TAB1: variants seen among roughly 807,000 people sequenced by gnomAD.
TAB1 encodes the protein TGF-beta-activated kinase 1 and MAP3K7-binding protein 1.
A neutral mutation model predicts 54.5 loss-of-function variants in TAB1; 30 were observed. That is an observed-to-expected ratio of 0.55 (90% CI 0.41 to 0.75). The LOEUF (loss-of-function observed/expected upper bound fraction) is 0.75, where lower values mean the gene tolerates loss of function less well. Among genes scored for constraint, TAB1 ranks in the 30% least tolerant of loss-of-function variants. The probability of loss-of-function intolerance (pLI) is 0.00; values close to 1 mark genes in which losing one functional copy is unlikely to be tolerated. For missense variants in TAB1, 609 were observed against 683.2 expected, an observed-to-expected ratio of 0.89 and a Z score of 1.21; for synonymous variants, 289 against 286.9, an observed-to-expected ratio of 1.01 and a Z score of -0.07.
At chr22:39,404,695 G>A (rs1048174193) in intron 1 of TAB1, among the ~76,000 whole-genome samples, 10 of 152,132 alleles carry the variant, frequency 6.6e-5, no homozygotes, top group Admixed American at 4.6e-4. Flanking sequence ...TAAATACATA[G>A]CCACTAAAAT....
intron 4 of TAB1, among the ~76,000 whole-genome samples, 196 bp from the exon 5 acceptor site, chr22:39,417,515 C>T (rs903589712): frequency 6.6e-6 from 1 of 151,752 alleles, no homozygotes; most frequent in African/African-American, 2.4e-5. Flanking sequence ...CAGCTACTCT[C>T]GAGGCTGAAG....
At chr22:39,416,744 A>ACAG (rs1926848975) in intron 3 of TAB1, 47 bp from the exon 4 acceptor site, 2 of 1,560,138 alleles carry the variant, frequency 1.3e-6, no homozygotes, top group Admixed American at 1.7e-5. Context: ...GGCACCAGTG[A>ACAG]CAGTGGTGTT....
downstream of TAB1, chr22:39,432,932 A>G: frequency 1.0e-6 from 1 of 985,456 alleles, no homozygotes; most frequent in Non-Finnish European, 1.2e-6. Flanking sequence ...TTAAGGGGCC[A>G]GGAGTCAAGG....
chr22:39,422,409 T>A (rs1227897038), intron 8 of TAB1, among the ~76,000 whole-genome samples: 1 of 139,630 alleles, frequency 7.2e-6, no homozygotes, highest in Admixed American at 7.1e-5. Flanking sequence ...TCTTTTTTTT[T>A]TTTTTTTTTT....
At chr22:39,399,858 G>C in intron 1 of TAB1, 23 bp downstream of exon 1, 1 of 1,588,396 alleles carries the variant, frequency 6.3e-7, no homozygotes, top group Non-Finnish European at 8.6e-7. Flanking sequence ...CCCGCTCTCT[G>C]GGCTTGGGGT....
At chr22:39,418,674 G>C in intron 5 of TAB1, 58 bp from the exon 6 acceptor site, 1 of 1,296,524 alleles carries the variant, frequency 7.7e-7, no homozygotes, top group Non-Finnish European at 1.1e-6. Flanking sequence ...TGCCTTCCCG[G>C]TATGCCCTAT....
Position 39,415,786 on chromosome 22 carries a change from AG to A in TAB1, c.324+134del. The A allele has an allele frequency of 4.9e-6, 6 of 1,230,948 alleles. No homozygotes were observed. Among genetic ancestry groups the A allele is most frequent in the Non-Finnish European group, 6.7e-6 (6 of 900,300 alleles). The allele number at this position is 1,230,948 out of a possible 1,614,324, so 76.3% of individuals were successfully genotyped here. On this transcript the variant is annotated intron_variant, in intron 3 of 10. Coordinates refer to ENST00000216160, the MANE Select transcript of TAB1 (RefSeq NM_006116.3). The surrounding 1 kb of genome is among the most constrained non-coding windows in gnomAD (Gnocchi z 4.9). ...GGCCCCTTCACCCCAGTAGAGGAGC[AG>A]CTCCCAGCGTAGGCCCCCCCACCCA...
downstream of TAB1, chr22:39,436,645 G>A: frequency 8.2e-7 from 1 of 1,219,768 alleles, no homozygotes; most frequent in East Asian, 2.3e-5. Flanking sequence ...GGTCTGACTT[G>A]TGCACTGGGA....
chr22:39,433,508 G>A, downstream of TAB1: 1 of 985,190 alleles, frequency 1.0e-6, no homozygotes. Context: ...TTGCTGGCTT[G>A]ACGGAGGTCC....
rs150258888 is a variant in TAB1 at position 39,426,754 on chromosome 22, G to T, written c.973G>T (p.Ala325Ser). 2.7e-5 allele frequency: 44 copies of T among 1,613,264 alleles called. No homozygotes were observed. The highest frequency in any genetic ancestry group is 3.7e-5 in the Non-Finnish European group (44 of 1,179,442). The change falls in exon 9 of 11, where the codon GCA becomes TCA. Residue 325 changes from alanine (A) to serine (S), a missense_variant. Transcript: ENST00000216160. ...TEFAKQTSLD[A>S]VAQAVVDRVK... ...GTTTGCCAAGCAGACCTCCCTGGAC[G>T]CAGTGGCCCAGGCCGTCGTGGACCG... is the stretch of plus-strand genomic sequence containing the variant.
chr22:39,405,199 A>G lies in TAB1; in HGVS notation c.33+5364A>G, dbSNP rs34964352. ...TGGGTACTTTGTGAACTATTATGTG[A>G]CATGGACACATATATACATGAGGAG... On this transcript the variant is annotated intron_variant, in intron 1 of 10. Transcript: ENST00000216160. Among the ~76,000 whole-genome samples the G allele has an allele frequency of 6.4e-3, 974 of 152,312 alleles. 3 individuals are homozygous for G. Among genetic ancestry groups the G allele is most frequent in the Non-Finnish European group, 0.011 (733 of 68,028 alleles).
chr22:39,430,362 C>T lies in TAB1; in HGVS notation c.*140C>T, dbSNP rs1179635092. On this transcript the variant is annotated 3_prime_UTR_variant, in exon 11 of 11. Coordinates refer to ENST00000216160, the MANE Select transcript of TAB1 (RefSeq NM_006116.3). ...CAGCAGACTCTGTCCCATGGCTCTC[C>T]GGGCAGTAGAGTGTGTGAGTGCAGA... 2.5e-5 allele frequency: 37 copies of T among 1,487,090 alleles called. No individual in the cohort carries two copies. The highest frequency in any genetic ancestry group is 3.1e-5 in the Non-Finnish European group (35 of 1,119,398). 92.1% of individuals were successfully genotyped at this position (1,487,090 alleles called of 1,614,324 possible).
intron 1 of TAB1, among the ~76,000 whole-genome samples, chr22:39,412,511 G>A (rs540143205): frequency 6.6e-5 from 10 of 152,190 alleles, no homozygotes; most frequent in African/African-American, 2.4e-4. Flanking sequence ...CCAGAAGCCA[G>A]TTTTACTCCA....
At chr22:39,428,453 TC>T (rs1927443890) in intron 10 of TAB1, among the ~76,000 whole-genome samples, 1 of 152,238 alleles carries the variant, frequency 6.6e-6, no homozygotes. Flanking sequence ...TTCCTTTCAT[TC>T]CTCACCTCGG....
chr22:39,428,468 G>A (rs1185841528), intron 10 of TAB1, among the ~76,000 whole-genome samples: 1 of 152,256 alleles, frequency 6.6e-6, no homozygotes, highest in East Asian at 1.9e-4. Context: ...ACCTCGGTGT[G>A]ATGTGGGGTG....
chr22:39,424,389 G>A (rs556498887), intron 8 of TAB1, among the ~76,000 whole-genome samples: 9 of 150,294 alleles, frequency 6.0e-5, no homozygotes, highest in Non-Finnish European at 7.4e-5. Context: ...GATCTACTTC[G>A]AAAAAGTCTC....
downstream of TAB1, among the ~76,000 whole-genome samples, chr22:39,434,095 C>G (rs1184947238): frequency 6.6e-6 from 1 of 152,234 alleles, no homozygotes; most frequent in Non-Finnish European, 1.5e-5. Flanking sequence ...TGGGCAGTAA[C>G]TTGGGCTGGT....
Position 39,430,133 on chromosome 22 carries a change from G to T in TAB1, c.1426G>T (p.Gly476Cys), listed in dbSNP as rs768487425. The change falls in exon 11 of 11, where the codon GGT becomes TGT. Residue 476 changes from glycine to cysteine, a missense_variant. Physicochemically the swap from Gly to Cys is radical, Grantham distance 159. Coordinates refer to ENST00000216160, the MANE Select transcript of TAB1 (RefSeq NM_006116.3). ...CCACTCGCTCCCGCCTGGCGAGGAC[G>T]GTCGTGTTGAGCCCTATGTGGACTT... ...PAHSLPPGED[G>C]RVEPYVDFAE... 1.2e-6 allele frequency: 2 copies of T among 1,614,020 alleles called. No homozygotes were observed. The highest frequency in any genetic ancestry group is 8.5e-7 in the Non-Finnish European group (1 of 1,180,040).
At chr22:39,419,406 T>TA (rs1926974789) in intron 6 of TAB1, 113 bp from the exon 7 acceptor site, 3 of 847,442 alleles carry the variant, frequency 3.5e-6, no homozygotes, top group African/African-American at 1.7e-5. Flanking sequence ...TTGTCTTCAT[T>TA]TCCTATTCAG....
Sources: allele counts gnomAD v4.1 joint callset (sites outside exome capture counted in the v4.1 genomes callset), GRCh38; gene constraint gnomAD v4.1.1; non-coding constraint Gnocchi (gnomAD v3.1); transcripts MANE v1.5; gene names NCBI Gene and HGNC (gene_info 2026-07-23, HGNC 2026-07-21).